NEGR1: variants seen among roughly 807,000 people sequenced by gnomAD.
NEGR1 encodes neuronal growth regulator 1, also known as IgLON family member 4.
A neutral mutation model predicts 40.9 loss-of-function variants in NEGR1; 10 were observed. The observed-to-expected ratio is 0.24, with a 90% CI of 0.15 to 0.42. The LOEUF (loss-of-function observed/expected upper bound fraction) is 0.42. NEGR1 is among the 10% of genes least tolerant of loss of function. The pLI is 1.00. For missense variants in NEGR1, 352 were observed against 438.9 expected, an observed-to-expected ratio of 0.80 and a Z score of 1.77; for synonymous variants, 185 against 166.8, an observed-to-expected ratio of 1.11 and a Z score of -0.84.
chr1:71,552,713 T>C (rs2101470784), intron 6 of NEGR1, among the ~76,000 whole-genome samples: 1 of 151,218 alleles, frequency 6.6e-6, no homozygotes, highest in African/African-American at 2.4e-5. Flanking sequence ...TTGAGCTCAG[T>C]TCCATAATGA....
intron 6 of NEGR1, among the ~76,000 whole-genome samples, chr1:71,491,575 G>A (rs1334557719): frequency 3.5e-5 from 3 of 85,366 alleles, no homozygotes; most frequent in African/African-American, 1.2e-4. Flanking sequence ...CTCAGGGCTT[G>A]ACTTTTTTTT....
intron 6 of NEGR1, among the ~76,000 whole-genome samples, chr1:71,438,069 G>A (rs936305607): frequency 3.9e-5 from 6 of 152,174 alleles, no homozygotes; most frequent in Admixed American, 3.9e-4. Context: ...GTTTAAACCA[G>A]TTACCTGCCA....
chr1:71,932,615 T>A (rs1340268851), intron 2 of NEGR1, among the ~76,000 whole-genome samples: 2 of 152,106 alleles, frequency 1.3e-5, no homozygotes, highest in African/African-American at 4.8e-5. Context: ...AAAAAATAGT[T>A]CCCTGGAGTA....
At chr1:71,664,236 T>G (rs761099028) in intron 4 of NEGR1, among the ~76,000 whole-genome samples, 3 of 152,170 alleles carry the variant, frequency 2.0e-5, no homozygotes, top group African/African-American at 7.2e-5. Flanking sequence ...GCCTTTACAC[T>G]GAGTGAAAGC....
chr1:71,434,963 C>T (rs1418994337), intron 6 of NEGR1, among the ~76,000 whole-genome samples: 2 of 151,732 alleles, frequency 1.3e-5, no homozygotes, highest in African/African-American at 2.4e-5. Flanking sequence ...TAGTGGCGGG[C>T]GCCTGTAGTC....
At position 71,901,801 on chromosome 1, in the gene NEGR1, G is replaced by A. The variant is rs996294858; in HGVS notation, c.409+33278C>T. Among the ~76,000 whole-genome samples the A allele has an allele frequency of 4.0e-5, 6 of 151,218 alleles. No homozygotes were observed. In the East Asian group the frequency reaches 1.2e-3, roughly 30 times the overall value. On this transcript the variant is annotated intron_variant, in intron 2 of 6. Coordinates refer to ENST00000357731, the MANE Select transcript of NEGR1 (RefSeq NM_173808.3). The stretch of plus-strand genomic sequence containing the variant: ...TTCTCCTGCCTCAGCCTCCTGAGTA[G>A]CTGCGATTACAGGCATGTGCCATCA...
At chr1:71,656,738 C>A (rs553071910) in intron 4 of NEGR1, among the ~76,000 whole-genome samples, 171 of 152,282 alleles carry the variant, frequency 1.1e-3, no homozygotes, top group African/African-American at 4.0e-3. Flanking sequence ...TATTGTTGAG[C>A]TTCTATAGAC....
chr1:72,056,774 T>C (rs918751397), intron 1 of NEGR1, among the ~76,000 whole-genome samples: 2 of 151,550 alleles, frequency 1.3e-5, no homozygotes, highest in African/African-American at 4.8e-5. Flanking sequence ...TAATAACTAA[T>C]AGAACATGAA....
intron 6 of NEGR1, among the ~76,000 whole-genome samples, chr1:71,564,394 T>A (rs557580841): frequency 4.2e-4 from 64 of 152,234 alleles, no homozygotes; most frequent in African/African-American, 1.4e-3. Context: ...TGGACCCAGT[T>A]CTGTGACTCC....
At chr1:71,467,541 T>C (rs1005203897) in intron 6 of NEGR1, among the ~76,000 whole-genome samples, 4 of 152,062 alleles carry the variant, frequency 2.6e-5, no homozygotes, top group African/African-American at 9.7e-5. Flanking sequence ...TATTTTAATT[T>C]GATATAATTT....
At chr1:72,217,126 T>C (rs947702367) in intron 1 of NEGR1, among the ~76,000 whole-genome samples, 1 of 151,800 alleles carries the variant, frequency 6.6e-6, no homozygotes, top group Non-Finnish European at 1.5e-5. Flanking sequence ...CTTGTATTTT[T>C]CTGAAAGCCA....
chr1:71,738,760 A>T (rs1458607707), intron 3 of NEGR1, among the ~76,000 whole-genome samples: 4 of 151,974 alleles, frequency 2.6e-5, no homozygotes, highest in Non-Finnish European at 5.9e-5. Flanking sequence ...TCGAGCACTG[A>T]TATGTCTTAT....
At chr1:71,547,529 G>T (rs935216654) in intron 6 of NEGR1, among the ~76,000 whole-genome samples, 5 of 151,664 alleles carry the variant, frequency 3.3e-5, no homozygotes, top group Non-Finnish European at 7.4e-5. Flanking sequence ...TTAGAAATGA[G>T]AATAGCCCAC....
rs1057148777 is a variant in NEGR1 at position 71,680,924 on chromosome 1, G to A, written c.667+17084C>T. 2.0e-5 allele frequency among the ~76,000 whole-genome samples: 3 copies of A among 152,170 alleles called. No homozygotes were observed. In the East Asian group the frequency reaches 5.8e-4, roughly 29 times the overall value. On this transcript the variant is annotated intron_variant, in intron 4 of 6. Coordinates refer to ENST00000357731, the MANE Select transcript of NEGR1 (RefSeq NM_173808.3). ...ATAATATATGTCAGTATAGGGCAGT[G>A]AATGCTGCAGTAAGAAACATTCCCA...
chr1:72,088,599 A>G (rs1245332589), intron 1 of NEGR1, among the ~76,000 whole-genome samples: 1 of 152,064 alleles, frequency 6.6e-6, no homozygotes, highest in East Asian at 1.9e-4. Context: ...TCAAATTGGT[A>G]CTCACCATTC....
At chr1:71,932,880 G>A (rs1645868341) in intron 2 of NEGR1, among the ~76,000 whole-genome samples, 1 of 152,012 alleles carries the variant, frequency 6.6e-6, no homozygotes, top group Non-Finnish European at 1.5e-5. Flanking sequence ...TAGCTTAAGT[G>A]GGGTTGACTT....
At chr1:71,865,037 T>C (rs912030992) in intron 2 of NEGR1, among the ~76,000 whole-genome samples, 1 of 152,048 alleles carries the variant, frequency 6.6e-6, no homozygotes, top group African/African-American at 2.4e-5. Context: ...TTCTAACAAG[T>C]TTTTCAATGA....
At chr1:71,460,119 T>C (rs1646703551) in intron 6 of NEGR1, among the ~76,000 whole-genome samples, 1 of 152,224 alleles carries the variant, frequency 6.6e-6, no homozygotes, top group Admixed American at 6.5e-5. Flanking sequence ...AGATAACTAA[T>C]GTTAGTTGAA....
At chr1:71,641,367 A>G (rs992908311) in intron 4 of NEGR1, among the ~76,000 whole-genome samples, 1 of 152,128 alleles carries the variant, frequency 6.6e-6, no homozygotes, top group Non-Finnish European at 1.5e-5. Context: ...ACATTAAAAA[A>G]GAATGAAGTT....
Sources: gnomAD v4.1 joint callset for allele counts (sites outside exome capture counted in the v4.1 genomes callset) on GRCh38, gnomAD v4.1.1 for gene constraint, MANE v1.5 for transcripts, NCBI Gene and HGNC (gene_info 2026-07-23, HGNC 2026-07-21) for gene names.